Variants in LRRC20 observed in about 807,000 individuals in gnomAD.
The protein encoded by LRRC20 is leucine rich repeat containing 20, also known as leucine-rich repeat-containing protein 20.
In LRRC20, 11 loss-of-function variants were observed where a neutral mutation model predicts 14.4. The ratio of observed to expected loss-of-function variants is 0.77; its 90% confidence interval spans 0.48 to 1.27. The LOEUF (loss-of-function observed/expected upper bound fraction) is 1.27, where lower values mean the gene tolerates loss of function less well. Ranked by LOEUF, LRRC20 falls within the 50% of genes most tolerant of loss-of-function variation. The pLI is 0.00. For missense variants in LRRC20, 219 were observed against 251.2 expected (o/e 0.87, Z 0.87); for synonymous variants, 121 against 107.3 (o/e 1.13, Z -0.79).
chr10:70,301,281 T>G lies in LRRC20; in HGVS notation c.*73A>C. The G allele has an allele frequency of 6.8e-7, 1 of 1,463,154 alleles. No individual in the cohort carries two copies. Among genetic ancestry groups the G allele is most frequent in the South Asian group, 1.3e-5 (1 of 79,484 alleles). The allele number at this position is 1,463,154 out of a possible 1,614,324, so 90.6% of individuals were successfully genotyped here. A position where few individuals can be genotyped will look rare whatever the true frequency, so the allele number is the denominator to read the frequency against. Reference sequence around the variant, plus strand: ...CCCAGCCCCCAGGCTTGGCCTCCCATGGGCCTCCCTCCCTTCCAGGGTTCC... The same window carrying G: ...CCCAGCCCCCAGGCTTGGCCTCCCAGGGGCCTCCCTCCCTTCCAGGGTTCC... On this transcript the variant is annotated 3_prime_UTR_variant, in exon 5 of 5. Transcript: ENST00000446961.
At position 70,375,688 on chromosome 10, in the gene LRRC20, T is replaced by A. The variant is rs539721177; in HGVS notation, c.82+764A>T. 3.3e-5 allele frequency among the ~76,000 whole-genome samples: 5 copies of A among 152,298 alleles called. No homozygotes were observed. In the East Asian group the frequency reaches 9.6e-4, roughly 29 times the overall value. On this transcript the variant is annotated intron_variant, in intron 2 of 4. Transcript: ENST00000446961. ...CCAAGGCAGGACTGTGCTCCAGGCC[T>A]CTACAGTGGTGCCTGCATTCCATGG...
At chr10:70,356,218 A>G (rs1843510826) in intron 2 of LRRC20, among the ~76,000 whole-genome samples, 1 of 152,206 alleles carries the variant, frequency 6.6e-6, no homozygotes, top group Admixed American at 6.5e-5. Flanking sequence ...CTCTTTCAAA[A>G]ACCTGTATGC....
Position 70,300,522 on chromosome 10 carries a change from C to A in LRRC20, c.*832G>T. The A allele has an allele frequency of 1.0e-6, 1 of 985,476 alleles. No individual in the cohort carries two copies. The highest frequency in any genetic ancestry group is 1.2e-6 in the Non-Finnish European group (1 of 829,982). 61.0% of individuals were successfully genotyped at this position (985,476 alleles called of 1,614,324 possible). ...CTGGACTGGACAGTGGTGAGGGTGG[C>A]CATCTAATCACTTTAGACAAGAGCT... On this transcript the variant is annotated 3_prime_UTR_variant, in exon 5 of 5. Coordinates refer to ENST00000446961, the MANE Select transcript of LRRC20 (RefSeq NM_001278212.2).
intron 2 of LRRC20, among the ~76,000 whole-genome samples, chr10:70,350,662 G>C (rs1425180618): frequency 6.6e-6 from 1 of 152,176 alleles, no homozygotes; most frequent in Admixed American, 6.5e-5. Context: ...GTGGGAAATG[G>C]AGCAGGACTT....
At chr10:70,350,576 A>T (rs1843263777) in intron 2 of LRRC20, among the ~76,000 whole-genome samples, 1 of 152,220 alleles carries the variant, frequency 6.6e-6, no homozygotes, top group African/African-American at 2.4e-5. Context: ...TTGAGCTTGC[A>T]TGGTGACTTA....
chr10:70,337,837 C>T (rs1277933430), intron 3 of LRRC20, among the ~76,000 whole-genome samples: 2 of 152,198 alleles, frequency 1.3e-5, no homozygotes, highest in Admixed American at 6.5e-5. Context: ...TTCTGGGCCT[C>T]CGGACCTAGG....
At chr10:70,380,966 G>A (rs1317894127) in intron 1 of LRRC20, among the ~76,000 whole-genome samples, 2 of 152,228 alleles carry the variant, frequency 1.3e-5, no homozygotes, top group Non-Finnish European at 2.9e-5. Flanking sequence ...AGGGGGAAGG[G>A]ACAGGGGTGA....
In LRRC20 at chr10:70,321,634, A is replaced by G. The variant is rs527287561; in HGVS notation, c.400+2229T>C. On this transcript the variant is annotated intron_variant, in intron 4 of 4. Transcript: ENST00000446961. ...AGCTGGCCACTTGGGGTAAACCAGGAGCCCCTCCTGGACAGCAACAGCCCC... is the reference window on the plus strand; with the variant it reads ...AGCTGGCCACTTGGGGTAAACCAGGGGCCCCTCCTGGACAGCAACAGCCCC... 5.3e-5 allele frequency among the ~76,000 whole-genome samples: 8 copies of G among 152,330 alleles called. No homozygotes were observed. The South Asian group carries it at 1.7e-3, about 32-fold the overall frequency.
At chr10:70,341,335 T>C (rs1842905058) in intron 2 of LRRC20, among the ~76,000 whole-genome samples, 3 of 152,140 alleles carry the variant, frequency 2.0e-5, no homozygotes, top group Admixed American at 2.0e-4. Context: ...AAAAACACAT[T>C]ACATGTGGAT....
intron 2 of LRRC20, among the ~76,000 whole-genome samples, chr10:70,352,722 C>T (rs991460415): frequency 6.6e-6 from 1 of 152,102 alleles, no homozygotes; most frequent in African/African-American, 2.4e-5. Flanking sequence ...CTTAATTTTG[C>T]TTGTGAACCT....
chr10:70,351,135 C>T (rs141928039), intron 2 of LRRC20, among the ~76,000 whole-genome samples: 303 of 151,782 alleles, frequency 2.0e-3, no homozygotes, highest in African/African-American at 7.0e-3. Context: ...GAGCCGAGAT[C>T]GTGCCATGGC....
intron 3 of LRRC20, among the ~76,000 whole-genome samples, chr10:70,331,845 T>C (rs1302561515): frequency 6.6e-6 from 1 of 152,200 alleles, no homozygotes; most frequent in Non-Finnish European, 1.5e-5. Context: ...GTCTGTTAAA[T>C]GGACCTCTTC....
intron 4 of LRRC20, among the ~76,000 whole-genome samples, chr10:70,309,110 C>T (rs74139020): frequency 4.6e-5 from 7 of 152,188 alleles, no homozygotes; most frequent in African/African-American, 1.4e-4. Context: ...CAGCCAGCAG[C>T]GTGGGCAGGG....
chr10:70,376,481 T>C lies in LRRC20; in HGVS notation c.53A>G (p.Glu18Gly). The C allele has an allele frequency of 6.2e-7, 1 of 1,614,126 alleles. No homozygotes were observed. Among genetic ancestry groups the C allele is most frequent in the Non-Finnish European group, 8.5e-7 (1 of 1,180,028 alleles). ...AGTGTCAGAGCCGCTCTCCACCGTC[T>C]CGTTGACCTTCCTTGCTACTCTGGC... The part of the protein sequence containing the change: ...AVARVARKVN[E>G]TVESGSDTLD... Residue 18 changes from glutamate to glycine, a missense_variant, in exon 2 of 5, where the codon GAG (glutamate) becomes GGG (glycine). Glu to Gly is a moderately conservative substitution (Grantham distance 98). Transcript: ENST00000446961.
At chr10:70,340,833 C>G (rs1842889371) in intron 2 of LRRC20, 131 bp from the exon 3 acceptor site, 1 of 940,046 alleles carries the variant, frequency 1.1e-6, no homozygotes, top group Non-Finnish European at 1.6e-6. Context: ...CTCCCCAGGA[C>G]CAGGCTTCAG....
chr10:70,329,635 C>T (rs1842460637), intron 3 of LRRC20, among the ~76,000 whole-genome samples: 1 of 150,238 alleles, frequency 6.7e-6, no homozygotes, highest in Admixed American at 6.7e-5. Context: ...GATCTCGGCT[C>T]ACTGCAACTT....
chr10:70,342,159 A>C (rs1405157327), intron 2 of LRRC20, among the ~76,000 whole-genome samples: 2 of 152,004 alleles, frequency 1.3e-5, no homozygotes, highest in East Asian at 3.9e-4. Flanking sequence ...AAAACAAAAA[A>C]ATTAGCTGGG....
intron 4 of LRRC20, among the ~76,000 whole-genome samples, chr10:70,310,083 T>C (rs576036258): frequency 3.9e-5 from 6 of 152,222 alleles, no homozygotes; most frequent in Non-Finnish European, 5.9e-5. Context: ...GCAAAAGTCA[T>C]TTGAGCAGCT....
rs559960497 is a variant in LRRC20 at position 70,358,754 on chromosome 10, C to T, written c.82+17698G>A. On this transcript the variant is annotated intron_variant, in intron 2 of 4. Transcript: ENST00000446961. ...CCCAGAAAGGGCACCCACCTCAAAC[C>T]TCAGGACACTTGTCTTAGCGTGGGA... 2.6e-5 allele frequency among the ~76,000 whole-genome samples: 4 copies of T among 152,312 alleles called. No individual in the cohort carries two copies. The South Asian group carries it at 6.2e-4, about 24-fold the overall frequency.
Sources: gnomAD v4.1 joint callset for allele counts (sites outside exome capture counted in the v4.1 genomes callset) on GRCh38, gnomAD v4.1.1 for gene constraint, MANE v1.5 for transcripts, NCBI Gene and HGNC (gene_info 2026-07-23, HGNC 2026-07-21) for gene names.